Variants in SPMIP2 observed in about 807,000 individuals in gnomAD.
The protein encoded by SPMIP2 is protein SPMIP2.
the SPMIP2 span, among the ~76,000 whole-genome samples, chr4:159,061,041 C>T: frequency 6.6e-6 from 1 of 150,462 alleles, no homozygotes; most frequent in Non-Finnish European, 1.5e-5. Context: ...GCTAAGACTG[C>T]ACCACTGCAC....
chr4:158,901,674 G>C, the SPMIP2 span, among the ~76,000 whole-genome samples: 1 of 151,724 alleles, frequency 6.6e-6, no homozygotes, highest in East Asian at 1.9e-4. Flanking sequence ...TTTCTTGGAG[G>C]CTTTGTTCGT....
the SPMIP2 span, among the ~76,000 whole-genome samples, chr4:159,080,526 G>A: frequency 3.9e-5 from 6 of 152,144 alleles, no homozygotes; most frequent in South Asian, 6.2e-4. Flanking sequence ...CCCCTTAATT[G>A]ATTCTTGAGC....
At chr4:158,931,673 G>A in the SPMIP2 span, among the ~76,000 whole-genome samples, 1 of 151,944 alleles carries the variant, frequency 6.6e-6, no homozygotes, top group Non-Finnish European at 1.5e-5. Context: ...GGTGATTCTT[G>A]TACCTCAGTC....
chr4:158,971,324 A>G, the SPMIP2 span, among the ~76,000 whole-genome samples: 1 of 152,062 alleles, frequency 6.6e-6, no homozygotes, highest in South Asian at 2.1e-4. Context: ...GGTTAGTTTG[A>G]TATTTGATCA....
chr4:158,904,068 G>A, the SPMIP2 span, among the ~76,000 whole-genome samples: 1 of 152,212 alleles, frequency 6.6e-6, no homozygotes, highest in Non-Finnish European at 1.5e-5. Flanking sequence ...TTGAACTTAG[G>A]TGAAAAATCA....
chr4:159,053,160 T>G, the SPMIP2 span, among the ~76,000 whole-genome samples: 1 of 150,340 alleles, frequency 6.7e-6, no homozygotes, highest in Admixed American at 6.6e-5. Context: ...GTTTCACCGT[T>G]TTAGCCGGGA....
the SPMIP2 span, among the ~76,000 whole-genome samples, chr4:159,063,077 C>G: frequency 6.6e-6 from 1 of 152,070 alleles, no homozygotes. Context: ...AAGTTTAGTT[C>G]TATTTACTCA....
At chr4:159,076,617 TA>T in the SPMIP2 span, among the ~76,000 whole-genome samples, 1 of 152,216 alleles carries the variant, frequency 6.6e-6, no homozygotes, top group Non-Finnish European at 1.5e-5. Context: ...TTAATGGTAA[TA>T]AACAGTAATA....
chr4:158,912,511 G>A, the SPMIP2 span, among the ~76,000 whole-genome samples: 46 of 152,304 alleles, frequency 3.0e-4, no homozygotes, highest in East Asian at 3.3e-3. Flanking sequence ...GATTCTTGTC[G>A]TGTAAGAATG....
chr4:159,026,209 G>C, the SPMIP2 span: 1 of 478,742 alleles, frequency 2.1e-6, no homozygotes, highest in South Asian at 1.9e-5. Context: ...AGTGGGAATA[G>C]CTTTGTGAAA....
At chr4:159,028,893 G>A in the SPMIP2 span, among the ~76,000 whole-genome samples, 4 of 152,032 alleles carry the variant, frequency 2.6e-5, no homozygotes, top group Admixed American at 6.6e-5. Context: ...TCAGGAGTTC[G>A]AGACCAGCCT....
chr4:158,904,395 AAAAG>A, the SPMIP2 span: 1 of 1,373,174 alleles, frequency 7.3e-7, no homozygotes, highest in East Asian at 2.3e-5. Flanking sequence ...CTTTCTCATA[AAAAG>A]AAATAATACT....
At chr4:158,975,337 C>T in the SPMIP2 span, among the ~76,000 whole-genome samples, 1 of 152,144 alleles carries the variant, frequency 6.6e-6, no homozygotes, top group East Asian at 1.9e-4. Flanking sequence ...CTTTTGTTAC[C>T]ATTGCTTTTG....
At chr4:158,996,588 T>C in the SPMIP2 span, among the ~76,000 whole-genome samples, 1 of 152,172 alleles carries the variant, frequency 6.6e-6, no homozygotes, top group East Asian at 1.9e-4. Context: ...CATAATAAGA[T>C]CTTCTGAGGC....
chr4:158,997,430 G>A, the SPMIP2 span, among the ~76,000 whole-genome samples: 89 of 152,130 alleles, frequency 5.9e-4, no homozygotes, highest in African/African-American at 2.1e-3. Flanking sequence ...GGGTTTCACT[G>A]TGTTGGTCAG....
chr4:158,996,998 A>G, the SPMIP2 span, among the ~76,000 whole-genome samples: 1 of 152,168 alleles, frequency 6.6e-6, no homozygotes, highest in African/African-American at 2.4e-5. Context: ...GAAAGGGAGA[A>G]GAGTGTGCTG....
chr4:158,983,650 A>T, the SPMIP2 span, among the ~76,000 whole-genome samples: 22 of 77,412 alleles, frequency 2.8e-4, no homozygotes, highest in East Asian at 8.0e-3. Flanking sequence ...GAAAGCACTA[A>T]ACATGGAAAT....
chr4:158,903,028 G>A, the SPMIP2 span, among the ~76,000 whole-genome samples: 6 of 152,122 alleles, frequency 3.9e-5, no homozygotes, highest in Non-Finnish European at 5.9e-5. Flanking sequence ...GTGCCACTGA[G>A]GTATGGAAAA....
the SPMIP2 span, among the ~76,000 whole-genome samples, chr4:158,899,719 C>T: frequency 1.3e-5 from 2 of 152,050 alleles, no homozygotes; most frequent in Non-Finnish European, 2.9e-5. Flanking sequence ...TTTTTTGTTG[C>T]ATCTATTTGA....
Sources: gnomAD v4.1 joint callset for allele counts (sites outside exome capture counted in the v4.1 genomes callset) on GRCh38, gnomAD v4.1.1 for gene constraint, MANE v1.5 for transcripts, NCBI Gene and HGNC (gene_info 2026-07-23, HGNC 2026-07-21) for gene names.